The following ZNF217 variants were observed in gnomAD, a reference collection of about 807,000 sequenced individuals.
ZNF217 encodes the protein zinc finger protein 217.
Under a neutral mutation model 73.3 loss-of-function variants are expected in ZNF217, and 12 were observed. The observed-to-expected ratio is 0.16, with a 90% CI of 0.10 to 0.27. The LOEUF (loss-of-function observed/expected upper bound fraction) is 0.27. Among genes scored for constraint, ZNF217 ranks in the 10% least tolerant of loss-of-function variants. The probability of loss-of-function intolerance (pLI) is 1.00; values close to 1 mark genes in which losing one functional copy is unlikely to be tolerated. For synonymous variants in ZNF217, 588 were observed against 516.4 expected, an observed-to-expected ratio of 1.14 and a Z score of -1.88; for missense variants, 1,195 against 1,327.8, an observed-to-expected ratio of 0.90 and a Z score of 1.55.
chr20:53,575,643 T>A, intron 4 of ZNF217, 84 bp downstream of exon 4: 1 of 1,327,456 alleles, frequency 7.5e-7, no homozygotes, highest in Non-Finnish European at 1.0e-6. Context: ...CCCTTGGGAG[T>A]GGTACCATCT....
Position 53,582,120 on chromosome 20 carries a change from T to C in ZNF217, c.707A>G (p.Lys236Arg), listed in dbSNP as rs1324280122. ...GAAAGCAGTTTTTTTGGTGTGCACC[T>C]TGCGGTGCTCAATTAGACTTTCTTT... is the stretch of plus-strand genomic sequence containing the variant. ...PNKESLIEHR[K>R]VHTKKTAFGT... Residue 236 changes from lysine to arginine, a missense_variant, in exon 2 of 6, where the codon AAG (lysine) becomes AGG (arginine). Transcript: ENST00000371471. This position sits in a 1 kb window ranked among gnomAD's most constrained non-coding sequence, Gnocchi z 4.8. 6.2e-7 allele frequency: 1 copy of C among 1,614,124 alleles called. No individual in the cohort carries two copies. Among genetic ancestry groups the C allele is most frequent in the Non-Finnish European group, 8.5e-7 (1 of 1,180,060 alleles).
rs560857526 is a variant in ZNF217 at position 53,584,104 on chromosome 20, T to C, written c.-342-936A>G. Reference sequence around the variant, plus strand: ...TTACTTTATTTAGCTCTGCTGCTTCTGGTTTAGAAGCTAATTTTCACTCCT... The same window carrying C: ...TTACTTTATTTAGCTCTGCTGCTTCCGGTTTAGAAGCTAATTTTCACTCCT... On this transcript the variant is annotated intron_variant, in intron 1 of 5. Coordinates refer to ENST00000371471, the MANE Select transcript of ZNF217 (RefSeq NM_006526.3). Among the ~76,000 whole-genome samples, 98 of 152,382 alleles carry C rather than the reference T, an allele frequency of 6.4e-4. 1 individual carries two copies. Among genetic ancestry groups the C allele is most frequent in the South Asian group, 1.9e-3 (9 of 4,834 alleles).
In ZNF217 at chr20:53,576,207, T is replaced by C; in HGVS notation, c.2557A>G (p.Lys853Glu). Residue 853 changes from lysine to glutamate, a missense_variant, in exon 4 of 6, where the codon AAG (lysine) becomes GAG (glutamate). Lys to Glu is a moderately conservative substitution (Grantham distance 56). Coordinates refer to ENST00000371471, the MANE Select transcript of ZNF217 (RefSeq NM_006526.3). Reference protein sequence around the residue: ...PKTSVSPAPDKTKRPETKLKP... With the variant: ...PKTSVSPAPDETKRPETKLKP... ...AATTTTGTCTCGGGTCTTTTTGTCTTATCCGGTGCAGGGGAAACACTGGTT... is the reference window on the plus strand; with the variant it reads ...AATTTTGTCTCGGGTCTTTTTGTCTCATCCGGTGCAGGGGAAACACTGGTT... 6 of 1,614,256 alleles carry C rather than the reference T, an allele frequency of 3.7e-6. No homozygotes were observed. The highest frequency in any genetic ancestry group is 5.1e-6 in the Non-Finnish European group (6 of 1,180,038).
intron 1 of ZNF217, among the ~76,000 whole-genome samples, chr20:53,589,874 C>G (rs1387046802): frequency 6.6e-6 from 1 of 151,174 alleles, no homozygotes; most frequent in East Asian, 1.9e-4. Context: ...TTTTTTCTTC[C>G]ATGTGCGTTT....
At chr20:53,589,133 G>C (rs911250599) in intron 1 of ZNF217, among the ~76,000 whole-genome samples, 1 of 152,024 alleles carries the variant, frequency 6.6e-6, no homozygotes, top group Non-Finnish European at 1.5e-5. Flanking sequence ...GAAAATAATG[G>C]AACACCAATA....
chr20:53,576,580 G>A lies in ZNF217; in HGVS notation c.2184C>T (p.His728=), dbSNP rs764700497. Residue 728 remains histidine, a synonymous_variant, in exon 4 of 6, where the codon CAC becomes CAT. Coordinates refer to ENST00000371471, the MANE Select transcript of ZNF217 (RefSeq NM_006526.3). ...GATTGTATTTATGCTCCAGTCTCTG[G>A]TGCATCATTAAAACTTCTGGATAAA... ...KTFYPEVLMM[H]QRLEHKYNPD... The A allele has an allele frequency of 5.0e-6, 8 of 1,614,218 alleles. No homozygotes were observed. The highest frequency in any genetic ancestry group is 6.8e-6 in the Non-Finnish European group (8 of 1,180,044).
At position 53,568,322 on chromosome 20, in the gene ZNF217, T is replaced by C. The variant is rs1987832042; in HGVS notation, c.*966A>G. ...CCCCAATACCTGCAATTCACAGATA[T>C]AATTTAGCATTTTTGTTTTTATATA... is the stretch of plus-strand genomic sequence containing the variant. On this transcript the variant is annotated 3_prime_UTR_variant, in exon 6 of 6. Coordinates refer to ENST00000371471, the MANE Select transcript of ZNF217 (RefSeq NM_006526.3). 6.6e-6 allele frequency: 1 copy of C among 152,152 alleles called. No individual in the cohort carries two copies. The highest frequency in any genetic ancestry group is 2.4e-5 in the African/African-American group (1 of 41,408). The allele number at this position is 152,152 out of a possible 1,614,324, so 9.4% of individuals were successfully genotyped here. A position where few individuals can be genotyped will look rare whatever the true frequency, so the allele number is the denominator to read the frequency against.
chr20:53,576,100 GTTCTTGGCGGGGTAGTCGATGGAACCA>G lies in ZNF217; in HGVS notation c.2637_2663del (p.Gly880_Asn888del), dbSNP rs764723093. 2 of 1,614,222 alleles carry G rather than the reference GTTCTTGGCGGGGTAGTCGATGGAACCA, an allele frequency of 1.2e-6. No homozygotes were observed. The highest frequency in any genetic ancestry group is 2.2e-5 in the South Asian group (2 of 91,088). ...TTCCCGGAGGTGCCCACGGGCTGTC[GTTCTTGGCGGGGTAGTCGATGGAACCA>G]TTGATGTTACTGCTGCCGAGGGTGG... On this transcript the variant is annotated inframe_deletion, in exon 4 of 6. Transcript: ENST00000371471.
At chr20:53,592,085 T>C (rs1489819934) in intron 1 of ZNF217, among the ~76,000 whole-genome samples, 11 of 152,220 alleles carry the variant, frequency 7.2e-5, no homozygotes, top group Non-Finnish European at 1.0e-4. Flanking sequence ...GAAGACATAA[T>C]TGAATCAACC....
chr20:53,591,524 G>C (rs1457533180), intron 1 of ZNF217, among the ~76,000 whole-genome samples: 1 of 152,152 alleles, frequency 6.6e-6, no homozygotes, highest in Non-Finnish European at 1.5e-5. Flanking sequence ...ACTGCCTCTT[G>C]AATTTAAATA....
intron 1 of ZNF217, among the ~76,000 whole-genome samples, chr20:53,588,922 A>G (rs1225465646): frequency 6.6e-6 from 1 of 152,236 alleles, no homozygotes; most frequent in Non-Finnish European, 1.5e-5. Context: ...CAGTAGATTT[A>G]TAAACTGAAG....
chr20:53,590,626 G>A (rs1302127731), intron 1 of ZNF217, among the ~76,000 whole-genome samples: 1 of 152,022 alleles, frequency 6.6e-6, no homozygotes, highest in Non-Finnish European at 1.5e-5. Flanking sequence ...TATAAAGTGG[G>A]AAAACAGCAC....
chr20:53,594,903 T>G (rs1381622344), upstream of ZNF217, among the ~76,000 whole-genome samples: 1 of 152,064 alleles, frequency 6.6e-6, no homozygotes, highest in Non-Finnish European at 1.5e-5. Flanking sequence ...AGAAAGCTAT[T>G]TAATTGTTGT....
At chr20:53,578,271 C>CA (rs1007822823) in intron 3 of ZNF217, 63 bp downstream of exon 3, 164 of 1,183,786 alleles carry the variant, frequency 1.4e-4, no homozygotes, top group Non-Finnish European at 1.8e-4. Flanking sequence ...ACAACAACAA[C>CA]AAAAAAATTA....
At position 53,581,051 on chromosome 20, in the gene ZNF217, A is replaced by G. The variant is rs1988461041; in HGVS notation, c.1366+410T>C. Among the ~76,000 whole-genome samples the G allele has an allele frequency of 6.6e-6, 1 of 152,180 alleles. No homozygotes were observed. The highest frequency in any genetic ancestry group is 1.5e-5 in the Non-Finnish European group (1 of 68,026). On this transcript the variant is annotated intron_variant, in intron 2 of 5. Coordinates refer to ENST00000371471, the MANE Select transcript of ZNF217 (RefSeq NM_006526.3). This position sits in a 1 kb window ranked among gnomAD's most constrained non-coding sequence, Gnocchi z 4.9. ...CTCTGCCCACTGGATGCCAGCAGGC[A>G]CACCCACACACACAGTATGACAACC...
chr20:53,583,012 C>T lies in ZNF217; in HGVS notation c.-186G>A. 1 of 575,314 alleles carries T rather than the reference C, an allele frequency of 1.7e-6. No homozygotes were observed. Among genetic ancestry groups the T allele is most frequent in the Non-Finnish European group, 2.9e-6 (1 of 339,156 alleles). 35.6% of individuals were successfully genotyped at this position (575,314 alleles called of 1,614,324 possible). On this transcript the variant is annotated 5_prime_UTR_variant, in exon 2 of 6. In the 5' UTR this introduces an upstream ATG that the reference lacks. Coordinates refer to ENST00000371471, the MANE Select transcript of ZNF217 (RefSeq NM_006526.3). The stretch of plus-strand genomic sequence containing the variant: ...TTTAGGAAGCTCAGTGATGGTGTCA[C>T]TGGTTCTTTCCACAAACAAGGCATA...
chr20:53,597,097 G>GA (rs1161731962), upstream of ZNF217, among the ~76,000 whole-genome samples: 67 of 102,978 alleles, frequency 6.5e-4, no homozygotes, highest in Admixed American at 1.1e-3. Context: ...AAAAAAAAAA[G>GA]AAAAAAAAAA....
At position 53,581,600 on chromosome 20, in the gene ZNF217, G is replaced by A; in HGVS notation, c.1227C>T (p.Thr409=). The A allele has an allele frequency of 1.9e-6, 3 of 1,614,208 alleles. No homozygotes were observed. The highest frequency in any genetic ancestry group is 1.7e-6 in the Non-Finnish European group (2 of 1,180,036). Residue 409 remains threonine, a synonymous_variant, in exon 2 of 6, where the codon ACC becomes ACT. Coordinates refer to ENST00000371471, the MANE Select transcript of ZNF217 (RefSeq NM_006526.3). This position sits in a 1 kb window ranked among gnomAD's most constrained non-coding sequence, Gnocchi z 4.9. ...KDRRAGAESP[T]MSVDGRQPGT... ...CCGGCTGCCTCCCGTCCACAGACATGGTGGGCGACTCCGCGCCGGCCCTCC... is the reference window on the plus strand; with the variant it reads ...CCGGCTGCCTCCCGTCCACAGACATAGTGGGCGACTCCGCGCCGGCCCTCC...
At chr20:53,592,152 C>A (rs544619579) in intron 1 of ZNF217, among the ~76,000 whole-genome samples, 3 of 152,316 alleles carry the variant, frequency 2.0e-5, no homozygotes, top group East Asian at 1.9e-4. Flanking sequence ...TCCAAACGAT[C>A]TAGAAAACTG....
Sources: gnomAD v4.1 joint callset for allele counts (sites outside exome capture counted in the v4.1 genomes callset) on GRCh38, gnomAD v4.1.1 for gene constraint, Gnocchi (gnomAD v3.1) non-coding constraint, MANE v1.5 for transcripts, NCBI Gene and HGNC (gene_info 2026-07-23, HGNC 2026-07-21) for gene names.